NEMF: variants seen among roughly 807,000 people sequenced by gnomAD.
NEMF encodes nuclear export mediator factor.
Under a neutral mutation model 162.2 loss-of-function variants are expected in NEMF, and 89 were observed. The ratio of observed to expected loss-of-function variants is 0.55; its 90% CI spans 0.46 to 0.65. NEMF has a LOEUF of 0.65. Among genes scored for constraint, NEMF ranks in the 30% least tolerant of loss-of-function variants. The probability of loss-of-function intolerance (pLI) is 0.00; values close to 1 mark genes in which losing one functional copy is unlikely to be tolerated. For synonymous variants in NEMF, 421 were observed against 404.5 expected, an observed-to-expected ratio of 1.04 and a Z score of -0.49; for missense variants, 1,133 against 1,261.9, an observed-to-expected ratio of 0.90 and a Z score of 1.55.
chr14:49,806,354 C>T (rs1399276123), intron 18 of NEMF, among the ~76,000 whole-genome samples: 5 of 145,002 alleles, frequency 3.4e-5, no homozygotes, highest in Admixed American at 7.0e-5. Flanking sequence ...CTCCGCCTCC[C>T]GGGTTCAAGC....
In NEMF at chr14:49,799,207, C is replaced by CAAAAAAAA. The variant is rs780442972; in HGVS notation, c.2465+260_2465+267dup. ...TGGGCAACAAAGCGAGACCCTGTTT[C>CAAAAAAAA]AAAAAAAAAAAAAAAAAAAAAAAAA... On this transcript the variant is annotated intron_variant, in intron 25 of 32. Transcript: ENST00000298310. Among the ~76,000 whole-genome samples the CAAAAAAAA allele has an allele frequency of 8.1e-3, 478 of 59,000 alleles. 51 individuals carry two copies. The highest frequency in any genetic ancestry group is 0.029 in the Admixed American group (85 of 2,894). 38.7% of individuals were successfully genotyped at this position (59,000 alleles called of 152,430 possible).
In NEMF at chr14:49,827,564, C is replaced by T. The variant is rs538243658; in HGVS notation, c.1488+727G>A. 1.4e-4 allele frequency among the ~76,000 whole-genome samples: 22 copies of T among 152,174 alleles called. No homozygotes were observed. In the East Asian group the frequency reaches 1.6e-3, roughly 11 times the overall value. On this transcript the variant is annotated intron_variant, in intron 15 of 32. Coordinates refer to ENST00000298310, the MANE Select transcript of NEMF (RefSeq NM_004713.6). ...CTGTAATCCCAGCACTTTGGGAGGCCGAAGGTCAAGGCCTGAAGCGGGCGG... is the reference window on the plus strand; with the variant it reads ...CTGTAATCCCAGCACTTTGGGAGGCTGAAGGTCAAGGCCTGAAGCGGGCGG...
At chr14:49,799,398 A>T (rs1890850878) in intron 25 of NEMF, 77 bp downstream of exon 25, 1 of 1,199,064 alleles carries the variant, frequency 8.3e-7, no homozygotes, top group Non-Finnish European at 1.2e-6. Flanking sequence ...ACAGCTAAGT[A>T]ATCTGTGGTA....
intron 25 of NEMF, among the ~76,000 whole-genome samples, chr14:49,797,729 A>T (rs1395024487): frequency 6.6e-6 from 1 of 152,272 alleles, no homozygotes; most frequent in Non-Finnish European, 1.5e-5. Context: ...ATATCACCCT[A>T]GAACTAGTCT....
chr14:49,800,623 C>A lies in NEMF; in HGVS notation c.2169G>T (p.Gln723His). Residue 723 changes from glutamine to histidine, a missense_variant, in exon 23 of 33, where the codon CAG (glutamine) becomes CAT (histidine). Gln to His is a conservative substitution (Grantham distance 24, BLOSUM62 0). Around this residue, in one of 3 missense-constraint regions of NEMF, gnomAD observed 532 missense variants for 578.6 expected, o/e 0.92. Transcript: ENST00000298310. ...GAAGAGTGATATCCTCTTGGTCAAC[C>A]TGAGTCATGAGTTCTACTTCCACAG... ...ETPVEVELMTQVDQEDITLQS... is the reference protein window; with the variant it reads ...ETPVEVELMTHVDQEDITLQS... 1 of 1,613,944 alleles carries A rather than the reference C, an allele frequency of 6.2e-7. No individual in the cohort carries two copies. Among genetic ancestry groups the A allele is most frequent in the Non-Finnish European group, 8.5e-7 (1 of 1,179,904 alleles).
chr14:49,837,628 A>C (rs1034268344), intron 6 of NEMF, among the ~76,000 whole-genome samples: 1 of 152,150 alleles, frequency 6.6e-6, no homozygotes, highest in Non-Finnish European at 1.5e-5. Context: ...TTCTAATTTC[A>C]TAAGAGAGGA....
Position 49,825,894 on chromosome 14 carries a change from G to C in NEMF, c.1550C>G (p.Ser517Cys), listed in dbSNP as rs1396277902. ...ATATACTTTTCTTGCTTTTTGAATA[G>C]AGGTAACAGTCTGAACTTCTTTTAA... is the stretch of plus-strand genomic sequence containing the variant. Reference protein sequence around the residue: ...QTLKEVQTVTSIQKARKVYWF... With the variant: ...QTLKEVQTVTCIQKARKVYWF... Residue 517 changes from serine to cysteine, a missense_variant, in exon 16 of 33, where the codon TCT (serine) becomes TGT (cysteine). This residue lies in a region of NEMF where 582 missense variants were observed against 631.5 expected (regional missense o/e 0.92). Coordinates refer to ENST00000298310, the MANE Select transcript of NEMF (RefSeq NM_004713.6). 6.2e-7 allele frequency: 1 copy of C among 1,608,294 alleles called. No individual in the cohort carries two copies. The highest frequency in any genetic ancestry group is 1.7e-5 in the Admixed American group (1 of 59,820).
chr14:49,814,932 A>G, intron 16 of NEMF, 75 bp from the exon 17 acceptor site: 2 of 816,442 alleles, frequency 2.4e-6, no homozygotes, highest in Non-Finnish European at 2.0e-6. Context: ...CAAACAAAAC[A>G]AAACAGGAAG....
At chr14:49,835,035 C>T (rs1594791754) in intron 6 of NEMF, among the ~76,000 whole-genome samples, 1 of 152,084 alleles carries the variant, frequency 6.6e-6, no homozygotes, top group Non-Finnish European at 1.5e-5. Flanking sequence ...CCCATCTCTA[C>T]TAAGAATACA....
At position 49,851,835 on chromosome 14, in the gene NEMF, T is replaced by C. The variant is rs1193544882; in HGVS notation, c.100A>G (p.Asn34Asp). The change falls in exon 2 of 33, where the codon AAT becomes GAT. Residue 34 changes from asparagine to aspartate, a missense_variant. Physicochemically the swap from Asn to Asp is conservative, Grantham distance 23. Around this residue, in one of 3 missense-constraint regions of NEMF, gnomAD observed 582 missense variants for 631.5 expected, o/e 0.92. Transcript: ENST00000298310. ...MRVNNVYDVD[N>D]KTYLIRLQKP... is the part of the protein sequence containing the mutation. ...TGAAGACGAATAAGGTATGTCTTATTATCCACATCATAAACATTGTTTACT... is the reference window on the plus strand; with the variant it reads ...TGAAGACGAATAAGGTATGTCTTATCATCCACATCATAAACATTGTTTACT... 6.3e-7 allele frequency: 1 copy of C among 1,587,702 alleles called. No individual in the cohort carries two copies. The highest frequency in any genetic ancestry group is 8.6e-7 in the Non-Finnish European group (1 of 1,163,226).
chr14:49,824,503 C>T (rs369836985), intron 16 of NEMF, among the ~76,000 whole-genome samples: 227 of 145,520 alleles, frequency 1.6e-3, no homozygotes, highest in African/African-American at 5.5e-3. Context: ...AAGACTGCGC[C>T]ACTGCACTCC....
chr14:49,799,661 G>GC lies in NEMF; in HGVS notation c.2389dup (p.Ala797GlyfsTer8). 1 of 1,611,920 alleles carries GC rather than the reference G, an allele frequency of 6.2e-7. No homozygotes were observed. Among genetic ancestry groups the GC allele is most frequent in the Non-Finnish European group, 8.5e-7 (1 of 1,179,174 alleles). ...AGAATTAGAAGATTCCTCTTTTGAA[G>GC]CCAATTTCTGGATGGACCTATGAAA... On this transcript the variant is annotated frameshift_variant, in exon 24 of 33. Coordinates refer to ENST00000298310, the MANE Select transcript of NEMF (RefSeq NM_004713.6). LOFTEE classifies it high-confidence loss of function.
In NEMF at chr14:49,851,664, G is replaced by C; in HGVS notation, c.130C>G (p.Pro44Ala). The stretch of plus-strand genomic sequence containing the variant: ...AGTAAAAGTGTAGCTTTAAAGTCCG[G>C]TCTGTAGAAGAAAAAAGTCGAATTT... ...NKTYLIRLQK[P>A]DFKATLLLES... Residue 44 changes from proline (P) to alanine (A), a missense_variant and splice_region_variant, in exon 3 of 33, where the codon CCG becomes GCG. Coordinates refer to ENST00000298310, the MANE Select transcript of NEMF (RefSeq NM_004713.6). 6.2e-7 allele frequency: 1 copy of C among 1,612,748 alleles called. No homozygotes were observed. The highest frequency in any genetic ancestry group is 2.2e-5 in the East Asian group (1 of 44,836).
intron 11 of NEMF, among the ~76,000 whole-genome samples, chr14:49,830,959 T>G (rs1566693269): frequency 6.6e-6 from 1 of 152,232 alleles, no homozygotes; most frequent in African/African-American, 2.4e-5. Context: ...ATTTAAAATC[T>G]CCCTAAAACA....
At chr14:49,816,504 C>T (rs942505348) in intron 16 of NEMF, among the ~76,000 whole-genome samples, 2 of 152,174 alleles carry the variant, frequency 1.3e-5, no homozygotes, top group African/African-American at 4.8e-5. Context: ...CTTAATAAAG[C>T]TTGCTGGCTT....
chr14:49,833,330 T>C (rs1405408876), intron 8 of NEMF, 93 bp downstream of exon 8: 2 of 672,242 alleles, frequency 3.0e-6, no homozygotes, highest in Non-Finnish European at 4.7e-6. Context: ...CAAATTAAAA[T>C]AAAATGTATA....
At chr14:49,841,578 G>GAAA (rs535773426) in intron 4 of NEMF, among the ~76,000 whole-genome samples, 43 of 73,256 alleles carry the variant, frequency 5.9e-4, no homozygotes, top group Admixed American at 1.2e-3. Flanking sequence ...CTCGTCTTAA[G>GAAA]AAAAAAAAAA....
At chr14:49,836,689 GA>G (rs572498980) in intron 6 of NEMF, among the ~76,000 whole-genome samples, 46 of 144,450 alleles carry the variant, frequency 3.2e-4, no homozygotes, top group Non-Finnish European at 5.2e-4. Context: ...AAACTCTTTT[GA>G]AAAAAAAAAA....
rs769808409 is a variant in NEMF at position 49,840,844 on chromosome 14, T to A, written c.380A>T (p.Tyr127Phe). The A allele has an allele frequency of 1.9e-6, 3 of 1,606,764 alleles. No individual in the cohort carries two copies. The highest frequency in any genetic ancestry group is 3.5e-5 in the Admixed American group (2 of 57,484). ...YDRGNIVLTDYEYVILNILRF... is the reference protein window; with the variant it reads ...YDRGNIVLTDFEYVILNILRF... ...TAGAATATTTAAAATTACGTACTCA[T>A]AATCTGTAAGAACAATGTTCCCCTG... Residue 127 changes from tyrosine to phenylalanine, a missense_variant, in exon 5 of 33, where the codon TAT (tyrosine) becomes TTT (phenylalanine). Physicochemically the swap from Tyr to Phe is conservative, Grantham distance 22 (BLOSUM62 3). Coordinates refer to ENST00000298310, the MANE Select transcript of NEMF (RefSeq NM_004713.6).
Sources: gnomAD v4.1 joint callset for allele counts (sites outside exome capture counted in the v4.1 genomes callset) on GRCh38, gnomAD v4.1.1 for gene constraint, gnomAD v4.1.1 regional missense constraint, MANE v1.5 for transcripts, NCBI Gene and HGNC (gene_info 2026-07-23, HGNC 2026-07-21) for gene names.